Variants in KREMEN2 observed in about 807,000 individuals in gnomAD.
The protein encoded by KREMEN2 is kringle containing transmembrane protein 2, also known as kremen protein 2.
A neutral mutation model predicts 49.8 loss-of-function variants in KREMEN2; 43 were observed. That is an observed-to-expected ratio of 0.86 (90% CI 0.68 to 1.11). The LOEUF (loss-of-function observed/expected upper bound fraction) is 1.11, where lower values mean the gene tolerates loss of function less well. Among genes scored for constraint, KREMEN2 ranks in the 50% most tolerant of loss-of-function variants. The pLI, the probability that KREMEN2 is intolerant of heterozygous loss-of-function variation, is 0.00. For missense variants in KREMEN2, 686 were observed against 665.7 expected (o/e 1.03, Z -0.34); for synonymous variants, 355 against 304.9 (o/e 1.16, Z -1.71).
rs1223068795 is a variant in KREMEN2, at chr16:2,966,045, C to T, written c.270-95C>T. 6 of 1,099,568 alleles carry T rather than the reference C, an allele frequency of 5.5e-6. No individual in the cohort carries two copies. The highest frequency in any genetic ancestry group is 8.2e-6 in the Non-Finnish European group (6 of 728,080). 68.1% of individuals were successfully genotyped at this position (1,099,568 alleles called of 1,614,324 possible). A position where few individuals can be genotyped will look rare whatever the true frequency, so the allele number is the denominator to read the frequency against. On this transcript the variant is annotated intron_variant, in intron 2 of 8. Coordinates refer to ENST00000303746, the MANE Select transcript of KREMEN2 (RefSeq NM_172229.3). The surrounding 1 kb of genome is among the most constrained non-coding windows in gnomAD (Gnocchi z 8.4). The stretch of plus-strand genomic sequence containing the variant: ...AGCACAGCCGCTCACAGGCACAGAG[C>T]CTTGAAGGCCACTTTGAGCATAGGC...
Position 2,964,924 on chromosome 16 carries a change from CGCGGGGCGGGCCGCCCGT to C in KREMEN2, c.163_180del (p.Gly55_Cys60del), listed in dbSNP as rs770913833. On this transcript the variant is annotated inframe_deletion, in exon 2 of 9. Coordinates refer to ENST00000303746, the MANE Select transcript of KREMEN2 (RefSeq NM_172229.3). Reference sequence around the variant, plus strand: ...CGGCCACCAGAACCGCACTGGCCCGCGCGGGGCGGGCCGCCCGTGCCTCTTCTGGGACCAGACGCAGCA... The same window carrying C: ...CGGCCACCAGAACCGCACTGGCCCGCGCCTCTTCTGGGACCAGACGCAGCA... 3.1e-6 allele frequency: 5 copies of C among 1,604,676 alleles called. No homozygotes were observed. Among genetic ancestry groups the C allele is most frequent in the African/African-American group, 1.3e-5 (1 of 74,492 alleles).
In KREMEN2 at chr16:2,966,496, G is replaced by T. The variant is rs771054590; in HGVS notation, c.486+47G>T. ...CAGTGACCCCTGACCTGGACCTAAA[G>T]ACCACACTCAACTCCCAACACTCGG... is the stretch of plus-strand genomic sequence containing the variant. On this transcript the variant is annotated intron_variant, in intron 4 of 8. Transcript: ENST00000303746. The surrounding 1 kb of genome is among the most constrained non-coding windows in gnomAD (Gnocchi z 8.4). The T allele has an allele frequency of 3.7e-6, 6 of 1,603,036 alleles. No homozygotes were observed. Among genetic ancestry groups the T allele is most frequent in the Non-Finnish European group, 5.1e-6 (6 of 1,176,884 alleles).
intron 8 of KREMEN2, 40 bp from the exon 9 acceptor site, chr16:2,967,770 G>A (rs1203132034): frequency 4.5e-6 from 7 of 1,546,330 alleles, no homozygotes; most frequent in East Asian, 4.9e-5. Flanking sequence ...ACGCTGCAGC[G>A]GGATTGGACC....
intron 1 of KREMEN2, 46 bp from the exon 2 acceptor site, chr16:2,964,813 C>T (rs1193800745): frequency 1.3e-6 from 2 of 1,590,518 alleles, no homozygotes; most frequent in East Asian, 2.3e-5. Context: ...CGCGAGGATG[C>T]CCGGCGTGGG....
Position 2,966,680 on chromosome 16 carries a change from C to G in KREMEN2, c.525C>G (p.Gly175=), listed in dbSNP as rs770823635. The G allele has an allele frequency of 4.3e-6, 7 of 1,611,334 alleles. 1 individual carries two copies. Among genetic ancestry groups the G allele is most frequent in the Non-Finnish European group, 5.9e-6 (7 of 1,179,916 alleles). Residue 175 remains glycine (G), a synonymous_variant, in exon 5 of 9, where the codon GGC becomes GGG. Coordinates refer to ENST00000303746, the MANE Select transcript of KREMEN2 (RefSeq NM_172229.3). The surrounding 1 kb of genome is among the most constrained non-coding windows in gnomAD (Gnocchi z 8.4). The part of the protein sequence containing the change: ...GVEAGYACFC[G]SESDLARGRL... Reference sequence around the variant, plus strand: ...AGGCCGGTTACGCCTGCTTCTGTGGCTCTGAAAGCGACCTGGCCCGGGGAC... The same window carrying G: ...AGGCCGGTTACGCCTGCTTCTGTGGGTCTGAAAGCGACCTGGCCCGGGGAC...
chr16:2,964,832 TC>T (rs952118276), intron 1 of KREMEN2, 26 bp from the exon 2 acceptor site: 27 of 1,605,734 alleles, frequency 1.7e-5, no homozygotes, highest in Non-Finnish European at 2.3e-5. Flanking sequence ...GGTCCGGACC[TC>T]CCCAGGCCCT....
At chr16:2,965,989 C>G in intron 2 of KREMEN2, 151 bp from the exon 3 acceptor site, 3 of 664,476 alleles carry the variant, frequency 4.5e-6, no homozygotes, top group African/African-American at 1.8e-5. Context: ...TCTGCGTAGA[C>G]AAAACTGGAA....
Position 2,967,084 on chromosome 16 carries a change from TGGA to T in KREMEN2, c.817_819del (p.Glu273del). On this transcript the variant is annotated inframe_deletion, in exon 6 of 9. Coordinates refer to ENST00000303746, the MANE Select transcript of KREMEN2 (RefSeq NM_172229.3). ...GAGCTGGCCGACCCGCGCGACCGGC[TGGA>T]GCTGCGCGACGCGGCTTCGGGCAGC... is the stretch of plus-strand genomic sequence containing the variant. 1 of 1,510,264 alleles carries T rather than the reference TGGA, an allele frequency of 6.6e-7. No individual in the cohort carries two copies. Among genetic ancestry groups the T allele is most frequent in the Non-Finnish European group, 8.8e-7 (1 of 1,135,852 alleles). 93.6% of individuals were successfully genotyped at this position (1,510,264 alleles called of 1,614,324 possible).
Position 2,967,850 on chromosome 16 carries a change from G to A in KREMEN2, c.1219G>A (p.Gly407Arg). 1 of 1,552,590 alleles carries A rather than the reference G, an allele frequency of 6.4e-7. No individual in the cohort carries two copies. Among genetic ancestry groups the A allele is most frequent in the Non-Finnish European group, 8.7e-7 (1 of 1,148,456 alleles). The change falls in exon 9 of 9, where the codon GGG becomes AGG. Residue 407 changes from glycine (G) to arginine (R), a missense_variant. Gly to Arg is a moderately radical substitution (Grantham distance 125). Transcript: ENST00000303746. ...TCCGGGAAAAGGGCCCCCGGCGCTG[G>A]GGGCTTCCAGGGGCCCCAGGAGAAG... ...LAPGKGPPAL[G>R]ASRGPRRSWA...
chr16:2,966,283 G>A lies in KREMEN2; in HGVS notation c.362-42G>A, dbSNP rs756574215. 2.0e-5 allele frequency: 33 copies of A among 1,613,048 alleles called. No homozygotes were observed. In the East Asian group the frequency reaches 6.9e-4, roughly 34 times the overall value. On this transcript the variant is annotated intron_variant, in intron 3 of 8. Coordinates refer to ENST00000303746, the MANE Select transcript of KREMEN2 (RefSeq NM_172229.3). This position sits in a 1 kb window ranked among gnomAD's most constrained non-coding sequence, Gnocchi z 8.4. ...GGAACGCTGCTGCATCTGGGAGGAGGGTTGTTTTCGGAGTCACGGAAGTCT... is the reference window on the plus strand; with the variant it reads ...GGAACGCTGCTGCATCTGGGAGGAGAGTTGTTTTCGGAGTCACGGAAGTCT...
In KREMEN2 at chr16:2,968,323, G is replaced by T. The variant is rs745727963; in HGVS notation, c.*303G>T. 8.5e-5 allele frequency: 129 copies of T among 1,526,412 alleles called. No individual in the cohort carries two copies. The highest frequency in any genetic ancestry group is 1.0e-4 in the Non-Finnish European group (118 of 1,138,594). 94.6% of individuals were successfully genotyped at this position (1,526,412 alleles called of 1,614,324 possible). The stretch of plus-strand genomic sequence containing the variant: ...TGCCGTCCTCAGTGAGAGGTCACAG[G>T]TCAGCAAAAACAGTCAAAAAACCCC... On this transcript the variant is annotated 3_prime_UTR_variant, in exon 9 of 9. Transcript: ENST00000303746.
At position 2,966,270 on chromosome 16, in the gene KREMEN2, C is replaced by T. The variant is rs2071816431; in HGVS notation, c.361+39C>T. ...CTGGACAGAGGTGGGAACGCTGCTG[C>T]ATCTGGGAGGAGGGTTGTTTTCGGA... On this transcript the variant is annotated intron_variant, in intron 3 of 8. Coordinates refer to ENST00000303746, the MANE Select transcript of KREMEN2 (RefSeq NM_172229.3). The surrounding 1 kb of genome is among the most constrained non-coding windows in gnomAD (Gnocchi z 8.4). The T allele has an allele frequency of 6.2e-7, 1 of 1,613,268 alleles. No homozygotes were observed. Among genetic ancestry groups the T allele is most frequent in the African/African-American group, 1.3e-5 (1 of 75,026 alleles).
In KREMEN2 at chr16:2,964,534, C is replaced by T. The variant is rs1188950616; in HGVS notation, c.14C>T (p.Ala5Val). The change falls in exon 1 of 9, where the codon GCC (alanine) becomes GTC (valine). Residue 5 changes from alanine to valine, a missense_variant. By Grantham distance (64) the Ala-to-Val change is moderately conservative. Coordinates refer to ENST00000303746, the MANE Select transcript of KREMEN2 (RefSeq NM_172229.3). MGTQ[A>V]LQGFLFLLFL... ...TGGTTGAGAGCGATGGGGACACAAG[C>T]CCTGCAGGGCTTCCTCTTTCTCCTC... 1.3e-5 allele frequency: 20 copies of T among 1,596,302 alleles called. No individual in the cohort carries two copies. Among genetic ancestry groups the T allele is most frequent in the Admixed American group, 1.7e-5 (1 of 57,744 alleles).
chr16:2,965,479 T>TG (rs1180779582), intron 2 of KREMEN2, among the ~76,000 whole-genome samples: 1 of 152,076 alleles, frequency 6.6e-6, no homozygotes, highest in African/African-American at 2.4e-5. Flanking sequence ...TGCTTTTAAG[T>TG]GGGGTTGGAG....
Position 2,964,406 on chromosome 16 carries a change from G to T in KREMEN2, c.-115G>T. 2.8e-6 allele frequency: 2 copies of T among 704,146 alleles called. No homozygotes were observed. The highest frequency in any genetic ancestry group is 4.8e-6 in the Non-Finnish European group (2 of 418,738). 43.6% of individuals were successfully genotyped at this position (704,146 alleles called of 1,614,324 possible). A position where few individuals can be genotyped will look rare whatever the true frequency, so the allele number is the denominator to read the frequency against. The stretch of plus-strand genomic sequence containing the variant: ...CGGAAAGCGCGGCTCAGAGTCGGAC[G>T]AGGGGAGACTGTCAGAGGACAACGC... On this transcript the variant is annotated 5_prime_UTR_variant, in exon 1 of 9. Coordinates refer to ENST00000303746, the MANE Select transcript of KREMEN2 (RefSeq NM_172229.3).
At position 2,967,840 on chromosome 16, in the gene KREMEN2, C is replaced by T. The variant is rs1254369299; in HGVS notation, c.1209C>T (p.Pro403=). ...GTCTGCTGGCTCCGGGAAAAGGGCC[C>T]CCGGCGCTGGGGGCTTCCAGGGGCC... The part of the protein sequence containing the change: ...RSCLLAPGKG[P]PALGASRGPR... The change falls in exon 9 of 9, where the codon CCC becomes CCT. Residue 403 remains proline, a synonymous_variant. Coordinates refer to ENST00000303746, the MANE Select transcript of KREMEN2 (RefSeq NM_172229.3). 4 of 1,551,578 alleles carry T rather than the reference C, an allele frequency of 2.6e-6. No individual in the cohort carries two copies. Among genetic ancestry groups the T allele is most frequent in the Non-Finnish European group, 3.5e-6 (4 of 1,147,796 alleles).
rs1348678722 is a variant in KREMEN2 at position 2,967,369 on chromosome 16, G to T, written c.1023G>T (p.Gln341His). Reference sequence around the variant, plus strand: ...CAGAGGCCCCCGAGGGCTCGGCCCAGACCCCCGCGGCGCCCCTCGACGGGG... The same window carrying T: ...CAGAGGCCCCCGAGGGCTCGGCCCATACCCCCGCGGCGCCCCTCGACGGGG... ...EDPEAPEGSAQTPAAPLDGAN... is the reference protein window; with the variant it reads ...EDPEAPEGSAHTPAAPLDGAN... The change falls in exon 7 of 9, where the codon CAG becomes CAT. Residue 341 changes from glutamine to histidine, a missense_variant. Physicochemically the swap from Gln to His is conservative, Grantham distance 24. Coordinates refer to ENST00000303746, the MANE Select transcript of KREMEN2 (RefSeq NM_172229.3). 1.4e-6 allele frequency: 2 copies of T among 1,401,894 alleles called. No homozygotes were observed. Among genetic ancestry groups the T allele is most frequent in the Non-Finnish European group, 1.8e-6 (2 of 1,089,626 alleles). 86.8% of individuals were successfully genotyped at this position (1,401,894 alleles called of 1,614,324 possible). A position where few individuals can be genotyped will look rare whatever the true frequency, so the allele number is the denominator to read the frequency against.
At chr16:2,965,137 G>A in intron 2 of KREMEN2, 104 bp downstream of exon 2, 2 of 634,724 alleles carry the variant, frequency 3.2e-6, no homozygotes, top group Non-Finnish European at 2.1e-6. Context: ...GCCGTGGACT[G>A]GCAGCCCAGC....
At position 2,966,284 on chromosome 16, in the gene KREMEN2, G is replaced by T; in HGVS notation, c.362-41G>T. 1 of 1,613,182 alleles carries T rather than the reference G, an allele frequency of 6.2e-7. No individual in the cohort carries two copies. Among genetic ancestry groups the T allele is most frequent in the East Asian group, 2.2e-5 (1 of 44,884 alleles). On this transcript the variant is annotated intron_variant, in intron 3 of 8. Coordinates refer to ENST00000303746, the MANE Select transcript of KREMEN2 (RefSeq NM_172229.3). This position sits in a 1 kb window ranked among gnomAD's most constrained non-coding sequence, Gnocchi z 8.4. ...GAACGCTGCTGCATCTGGGAGGAGG[G>T]TTGTTTTCGGAGTCACGGAAGTCTG... is the stretch of plus-strand genomic sequence containing the variant.
Sources: allele counts gnomAD v4.1 joint callset (sites outside exome capture counted in the v4.1 genomes callset), GRCh38; gene constraint gnomAD v4.1.1; non-coding constraint Gnocchi (gnomAD v3.1); transcripts MANE v1.5; gene names NCBI Gene and HGNC (gene_info 2026-07-23, HGNC 2026-07-21).